The following PTPRM variants were observed in gnomAD, a reference collection of about 807,000 sequenced individuals.
PTPRM encodes the protein receptor-type tyrosine-protein phosphatase mu.
A neutral mutation model predicts 186.7 loss-of-function variants in PTPRM; 47 were observed. That is an observed-to-expected ratio of 0.25 (90% confidence interval 0.20 to 0.32). The LOEUF is 0.32. Among genes scored for constraint, PTPRM ranks in the 10% least tolerant of loss-of-function variants. The pLI, the probability that PTPRM is intolerant of heterozygous loss-of-function variation, is 1.00. For synonymous variants in PTPRM, 668 were observed against 674.9 expected (o/e 0.99, Z 0.16); for missense variants, 1,494 against 1,865.0 (o/e 0.80, Z 3.66).
At chr18:8,075,285 T>C (rs544804655) in intron 8 of PTPRM, among the ~76,000 whole-genome samples, 106 of 152,220 alleles carry the variant, frequency 7.0e-4, no homozygotes, top group African/African-American at 2.5e-3. Context: ...TATATCTTTA[T>C]CTATGTAAAG....
intron 6 of PTPRM, among the ~76,000 whole-genome samples, chr18:7,949,979 C>T (rs2052826586): frequency 6.6e-6 from 1 of 151,974 alleles, no homozygotes; most frequent in South Asian, 2.1e-4. Context: ...GCCACCAAGA[C>T]AATTTTTGGT....
chr18:8,067,003 A>G (rs1033369403), intron 7 of PTPRM, among the ~76,000 whole-genome samples: 6 of 152,200 alleles, frequency 3.9e-5, no homozygotes, highest in African/African-American at 1.2e-4. Flanking sequence ...ATTTAAGTAT[A>G]TATTTTCTTG....
At chr18:8,384,758 C>T in intron 30 of PTPRM, 72 bp downstream of exon 30, 4 of 1,572,276 alleles carry the variant, frequency 2.5e-6, no homozygotes, top group East Asian at 2.2e-5. Context: ...ACTTGGAGCA[C>T]TCACTCTATG....
chr18:8,327,073 A>G (rs138254621), intron 22 of PTPRM, among the ~76,000 whole-genome samples: 1 of 152,338 alleles, frequency 6.6e-6, no homozygotes, highest in East Asian at 1.9e-4. Flanking sequence ...TGAACTTTTC[A>G]TTTCTCACAT....
intron 2 of PTPRM, among the ~76,000 whole-genome samples, chr18:7,841,183 G>C (rs2046300674): frequency 6.6e-6 from 1 of 151,820 alleles, no homozygotes; most frequent in Non-Finnish European, 1.5e-5. Context: ...GGCTGTTCTG[G>C]AGCTTTGCTT....
chr18:8,317,662 A>G (rs2095318785), intron 21 of PTPRM, among the ~76,000 whole-genome samples: 1 of 152,156 alleles, frequency 6.6e-6, no homozygotes, highest in Admixed American at 6.5e-5. Flanking sequence ...GGTAGGTAGG[A>G]AGAAAACCAG....
At chr18:7,957,816 T>A (rs979840686) in intron 7 of PTPRM, among the ~76,000 whole-genome samples, 2 of 152,170 alleles carry the variant, frequency 1.3e-5, no homozygotes, top group Non-Finnish European at 2.9e-5. Flanking sequence ...AAGGGAAACG[T>A]GTGCTGTAAA....
chr18:7,961,838 G>A (rs2053701477), intron 7 of PTPRM, among the ~76,000 whole-genome samples: 1 of 152,166 alleles, frequency 6.6e-6, no homozygotes, highest in South Asian at 2.1e-4. Context: ...GATTGAGTGA[G>A]TTTTAATATC....
chr18:7,777,119 C>T (rs1382491186), intron 2 of PTPRM, among the ~76,000 whole-genome samples: 2 of 152,126 alleles, frequency 1.3e-5, no homozygotes, highest in Non-Finnish European at 2.9e-5. Context: ...TCAGATAGAA[C>T]CATAGCTTTC....
chr18:8,019,968 A>T (rs2147950275), intron 7 of PTPRM, among the ~76,000 whole-genome samples: 1 of 151,986 alleles, frequency 6.6e-6, no homozygotes, highest in South Asian at 2.1e-4. Flanking sequence ...ATTAAATTTT[A>T]AAAAGGGGAC....
At chr18:8,351,786 C>T (rs578016295) in intron 23 of PTPRM, among the ~76,000 whole-genome samples, 1 of 152,198 alleles carries the variant, frequency 6.6e-6, no homozygotes, top group Admixed American at 6.5e-5. Flanking sequence ...CCAGGCTTCA[C>T]GCCACTACCC....
chr18:7,802,383 A>G (rs1455308252), intron 2 of PTPRM, among the ~76,000 whole-genome samples: 1 of 152,188 alleles, frequency 6.6e-6, no homozygotes. Context: ...AGAGGACGGT[A>G]AAGATGATGC....
chr18:7,639,190 T>A (rs1163634600), intron 1 of PTPRM, among the ~76,000 whole-genome samples: 2 of 152,156 alleles, frequency 1.3e-5, no homozygotes, highest in East Asian at 3.9e-4. Flanking sequence ...TTCTCCTGCC[T>A]CAGCCTCCCG....
At chr18:7,893,555 G>A (rs974399302) in intron 3 of PTPRM, among the ~76,000 whole-genome samples, 15 of 152,206 alleles carry the variant, frequency 9.9e-5, no homozygotes, top group African/African-American at 3.6e-4. Flanking sequence ...CCGCCCTCAT[G>A]CAGGTGGGCT....
intron 17 of PTPRM, chr18:8,251,543 C>G (rs1310269902): frequency 6.6e-6 from 1 of 152,168 alleles, no homozygotes; most frequent in Non-Finnish European, 1.5e-5. Context: ...AATTTCAAAG[C>G]AAATCCAAAT....
chr18:7,894,893 TAA>T (rs2049273316), intron 3 of PTPRM, among the ~76,000 whole-genome samples: 1 of 152,210 alleles, frequency 6.6e-6, no homozygotes, highest in Admixed American at 6.5e-5. Flanking sequence ...AATATTAATA[TAA>T]GTTTCATGTA....
At chr18:8,143,046 C>T (rs2146113144) in intron 13 of PTPRM, among the ~76,000 whole-genome samples, 1 of 152,240 alleles carries the variant, frequency 6.6e-6, no homozygotes, top group African/African-American at 2.4e-5. Flanking sequence ...CAGCCGCTTC[C>T]ACTTTGTGAA....
chr18:7,816,926 C>T (rs1437942194), intron 2 of PTPRM, among the ~76,000 whole-genome samples: 4 of 151,766 alleles, frequency 2.6e-5, no homozygotes, highest in Non-Finnish European at 5.9e-5. Flanking sequence ...ATTTGAAATG[C>T]ATCTCTTTGA....
At chr18:7,608,474 C>T (rs982267679) in intron 1 of PTPRM, among the ~76,000 whole-genome samples, 39 of 151,858 alleles carry the variant, frequency 2.6e-4, no homozygotes, top group African/African-American at 9.2e-4. Context: ...TTTTTCTTTC[C>T]TTTGAAGCTC....
Sources: gnomAD v4.1 joint callset for allele counts (sites outside exome capture counted in the v4.1 genomes callset) on GRCh38, gnomAD v4.1.1 for gene constraint, MANE v1.5 for transcripts, NCBI Gene and HGNC (gene_info 2026-07-23, HGNC 2026-07-21) for gene names.